MDFIC2: variants seen among roughly 807,000 people sequenced by gnomAD.
MDFIC2 encodes myoD family inhibitor domain-containing protein 2.
chr3:70,231,272 A>C (rs146089926), intron 2 of MDFIC2, among the ~76,000 whole-genome samples: 1 of 152,320 alleles, frequency 6.6e-6, no homozygotes, highest in East Asian at 1.9e-4. Flanking sequence ...CTGGCGGCAC[A>C]CGTTCGCTTA....
intron 2 of MDFIC2, among the ~76,000 whole-genome samples, chr3:70,255,279 A>T (rs2106655854): frequency 6.6e-6 from 1 of 152,342 alleles, no homozygotes; most frequent in Non-Finnish European, 1.5e-5. Context: ...GTAAAACAAA[A>T]CTTCTATGAA....
chr3:70,267,473 G>A (rs893491777), intron 2 of MDFIC2, among the ~76,000 whole-genome samples: 2 of 127,314 alleles, frequency 1.6e-5, no homozygotes, highest in Non-Finnish European at 3.1e-5. Flanking sequence ...CGCGATCTCC[G>A]CTCACTGCAA....
intron 3 of MDFIC2, among the ~76,000 whole-genome samples, chr3:70,197,539 G>A: frequency 6.6e-6 from 1 of 152,158 alleles, no homozygotes. Flanking sequence ...AAAAATTGCA[G>A]GGACTCCCCA....
intron 2 of MDFIC2, among the ~76,000 whole-genome samples, chr3:70,298,802 G>T (rs1448353117): frequency 6.6e-6 from 1 of 152,166 alleles, no homozygotes; most frequent in Admixed American, 6.6e-5. Flanking sequence ...TATGATAGAA[G>T]ATGTACTGGA....
chr3:70,250,411 T>TCTCA lies in MDFIC2; in HGVS notation c.89-43622_89-43621insTGAG, dbSNP rs1491297261. ...TTCGGTATTTTTCTTTTAATGAATC[T>TCTCA]CACACACACACACACACACACACAC... On this transcript the variant is annotated intron_variant, in intron 2 of 3. Coordinates refer to ENST00000567252, the MANE Select transcript of MDFIC2 (RefSeq NM_001364677.1). Among the ~76,000 whole-genome samples, 4 of 124,968 alleles carry TCTCA rather than the reference T, an allele frequency of 3.2e-5. No individual in the cohort carries two copies. In the East Asian group the frequency reaches 1.1e-3, roughly 36 times the overall value. 82.0% of individuals were successfully genotyped at this position (124,968 alleles called of 152,430 possible).
intron 2 of MDFIC2, among the ~76,000 whole-genome samples, chr3:70,245,374 C>G (rs1701697267): frequency 6.6e-6 from 1 of 151,722 alleles, no homozygotes; most frequent in African/African-American, 2.4e-5. Flanking sequence ...TATTAACACA[C>G]TCTTAATGTT....
chr3:70,253,584 G>A (rs1701788913), intron 2 of MDFIC2, among the ~76,000 whole-genome samples: 1 of 152,168 alleles, frequency 6.6e-6, no homozygotes, highest in Non-Finnish European at 1.5e-5. Context: ...TTAGCCAGGT[G>A]TGGTGATGCA....
chr3:70,270,782 G>C (rs1701968438), intron 2 of MDFIC2, among the ~76,000 whole-genome samples: 1 of 152,094 alleles, frequency 6.6e-6, no homozygotes, highest in Non-Finnish European at 1.5e-5. Context: ...AACTAACACA[G>C]GAACCAAAAA....
intron 2 of MDFIC2, among the ~76,000 whole-genome samples, chr3:70,218,026 T>G (rs936015673): frequency 2.0e-5 from 3 of 152,090 alleles, no homozygotes; most frequent in African/African-American, 7.2e-5. Flanking sequence ...GAGGAGCAAA[T>G]CATATGCTTA....
At chr3:70,308,087 T>G (rs1398871178) in intron 2 of MDFIC2, among the ~76,000 whole-genome samples, 2 of 152,188 alleles carry the variant, frequency 1.3e-5, no homozygotes, top group Non-Finnish European at 2.9e-5. Flanking sequence ...AGTCTTGCTC[T>G]GTTGCTCAGG....
intron 2 of MDFIC2, among the ~76,000 whole-genome samples, chr3:70,261,448 A>G (rs1251541361): frequency 6.6e-6 from 1 of 152,156 alleles, no homozygotes; most frequent in Non-Finnish European, 1.5e-5. Context: ...TTCAGATGCA[A>G]CTTCCCTCCA....
intron 2 of MDFIC2, among the ~76,000 whole-genome samples, chr3:70,211,399 TCC>T (rs1701345227): frequency 1.6e-4 from 1 of 6,160 alleles, no homozygotes; most frequent in Non-Finnish European, 1.1e-3. Flanking sequence ...TCCCTTCCCT[TCC>T]TTTTGCCCTT....
chr3:70,308,025 A>G (rs945414751), intron 2 of MDFIC2, among the ~76,000 whole-genome samples: 1 of 152,122 alleles, frequency 6.6e-6, no homozygotes, highest in Non-Finnish European at 1.5e-5. Flanking sequence ...CACAGTTTGC[A>G]TAATGCAGCT....
At chr3:70,249,383 G>A (rs138891447) in intron 2 of MDFIC2, among the ~76,000 whole-genome samples, 2 of 152,222 alleles carry the variant, frequency 1.3e-5, no homozygotes, top group African/African-American at 4.8e-5. Flanking sequence ...GTGCAAATAT[G>A]AGCATTGATT....
intron 2 of MDFIC2, among the ~76,000 whole-genome samples, chr3:70,255,130 T>C (rs1402984127): frequency 2.6e-5 from 4 of 152,212 alleles, no homozygotes. Flanking sequence ...CTAGTGGAAT[T>C]CTTAAACCAT....
intron 2 of MDFIC2, among the ~76,000 whole-genome samples, chr3:70,277,329 T>G (rs537257269): frequency 6.6e-6 from 1 of 152,292 alleles, no homozygotes; most frequent in East Asian, 1.9e-4. Flanking sequence ...CCTTAAAAAC[T>G]TATGTAAACG....
chr3:70,300,030 T>G lies in MDFIC2; in HGVS notation c.88+11856A>C, dbSNP rs959491489. Among the ~76,000 whole-genome samples, 110 of 152,156 alleles carry G rather than the reference T, an allele frequency of 7.2e-4. 1 individual carries two copies. The highest frequency in any genetic ancestry group is 5.3e-4 in the Non-Finnish European group (36 of 68,018). ...GCCATCATATTCCATCAGTTTGTAT[T>G]GTTACTGCCTATTGAAACACTACCC... is the stretch of plus-strand genomic sequence containing the variant. On this transcript the variant is annotated intron_variant, in intron 2 of 3. Coordinates refer to ENST00000567252, the MANE Select transcript of MDFIC2 (RefSeq NM_001364677.1).
At chr3:70,269,578 T>G (rs1701955527) in intron 2 of MDFIC2, among the ~76,000 whole-genome samples, 1 of 152,218 alleles carries the variant, frequency 6.6e-6, no homozygotes, top group African/African-American at 2.4e-5. Flanking sequence ...TCTGAACCAA[T>G]TTTGGTTCAG....
chr3:70,217,710 A>G (rs1701428499), intron 2 of MDFIC2, among the ~76,000 whole-genome samples: 1 of 152,114 alleles, frequency 6.6e-6, no homozygotes, highest in African/African-American at 2.4e-5. Flanking sequence ...ATGATATCGA[A>G]TTGGGCAGTT....
Sources: gnomAD v4.1 joint callset for allele counts (sites outside exome capture counted in the v4.1 genomes callset) on GRCh38, gnomAD v4.1.1 for gene constraint, MANE v1.5 for transcripts, NCBI Gene and HGNC (gene_info 2026-07-23, HGNC 2026-07-21) for gene names.